Variants in CEP89 observed in about 807,000 individuals in gnomAD.
The protein encoded by CEP89 is centrosomal protein 89.
CEP89 carries 95 observed loss-of-function variants against 97.6 expected under a neutral mutation model. The ratio of observed to expected loss-of-function variants is 0.97; its 90% CI spans 0.82 to 1.15. The LOEUF is 1.15. Ranked by LOEUF, CEP89 falls within the 50% of genes most tolerant of loss-of-function variation. CEP89 has a pLI of 0.00. For missense variants in CEP89, 869 were observed against 947.7 expected (o/e 0.92, Z 1.09); for synonymous variants, 354 against 349.1 (o/e 1.01, Z -0.16).
intron 12 of CEP89, among the ~76,000 whole-genome samples, chr19:32,921,389 T>C (rs1970246651): frequency 6.6e-6 from 1 of 151,928 alleles, no homozygotes; most frequent in African/African-American, 2.4e-5. Context: ...CTCCTGCAGC[T>C]GGAGGGCAGT....
intron 12 of CEP89, among the ~76,000 whole-genome samples, chr19:32,920,497 T>G (rs1668385638): frequency 6.6e-6 from 1 of 152,186 alleles, no homozygotes; most frequent in African/African-American, 2.4e-5. Flanking sequence ...TTTATTTTAT[T>G]ATTTGAGACA....
chr19:32,886,417 TG>T (rs2145870822), intron 17 of CEP89, among the ~76,000 whole-genome samples: 1 of 152,266 alleles, frequency 6.6e-6, no homozygotes, highest in Non-Finnish European at 1.5e-5. Flanking sequence ...GAATTCAGCC[TG>T]GTTTGGAGGG....
At chr19:32,971,715 C>A in intron 1 of CEP89, 121 bp downstream of exon 1, 1 of 993,642 alleles carries the variant, frequency 1.0e-6, no homozygotes, top group South Asian at 1.4e-5. Flanking sequence ...AACTGAAAAC[C>A]ACTTTCTCTT....
chr19:32,890,270 T>C (rs756790331), intron 16 of CEP89, among the ~76,000 whole-genome samples: 1 of 152,046 alleles, frequency 6.6e-6, no homozygotes, highest in Admixed American at 6.5e-5. Context: ...TGTGGTGGCA[T>C]GCGCCTATAG....
At chr19:32,950,769 G>A (rs1481283673) in intron 4 of CEP89, among the ~76,000 whole-genome samples, 2 of 152,126 alleles carry the variant, frequency 1.3e-5, no homozygotes, top group Non-Finnish European at 1.5e-5. Flanking sequence ...GTCCCAAACT[G>A]GAACCAATTA....
At chr19:32,917,536 T>G (rs1352206582) in intron 13 of CEP89, among the ~76,000 whole-genome samples, 1 of 152,210 alleles carries the variant, frequency 6.6e-6, no homozygotes, top group Non-Finnish European at 1.5e-5. Flanking sequence ...AGATGGCTTG[T>G]GTTTCAGCTT....
chr19:32,927,645 C>T (rs895966453), intron 9 of CEP89, among the ~76,000 whole-genome samples: 77 of 152,048 alleles, frequency 5.1e-4, no homozygotes, highest in Non-Finnish European at 3.2e-4. Flanking sequence ...CATTCCATCA[C>T]CCGGGCTGGA....
chr19:32,933,800 G>T, intron 7 of CEP89, 131 bp from the exon 8 acceptor site: 1 of 664,620 alleles, frequency 1.5e-6, no homozygotes. Flanking sequence ...GAAGGGAATG[G>T]CTTCTACAGG....
intron 12 of CEP89, among the ~76,000 whole-genome samples, chr19:32,918,884 C>CTTTT (rs11339528): frequency 8.5e-6 from 1 of 117,648 alleles, no homozygotes; most frequent in Non-Finnish European, 1.7e-5. Flanking sequence ...TTTTCTTTTT[C>CTTTT]TTTTTTTTTT....
Position 32,939,878 on chromosome 19 carries a change from T to G in CEP89, c.603A>C (p.Lys201Asn). Residue 201 changes from lysine to asparagine, a missense_variant, in exon 6 of 19, where the codon AAA becomes AAC. Lys to Asn is a moderately conservative substitution (Grantham distance 94, BLOSUM62 0). Coordinates refer to ENST00000305768, the MANE Select transcript of CEP89 (RefSeq NM_032816.5). ...TTACCTTTAAATTCAGAACAGGGTG[T>G]TTACCATCTGATGAAGAAAAAGAGA... Reference protein sequence around the residue: ...APQRTQQKDGKHPVLNLKDEK... With the variant: ...APQRTQQKDGNHPVLNLKDEK... The G allele has an allele frequency of 7.8e-7, 1 of 1,277,174 alleles. No individual in the cohort carries two copies. Among genetic ancestry groups the G allele is most frequent in the African/African-American group, 1.5e-5 (1 of 67,608 alleles). 79.1% of individuals were successfully genotyped at this position (1,277,174 alleles called of 1,614,324 possible). A position where few individuals can be genotyped will look rare whatever the true frequency, so the allele number is the denominator to read the frequency against.
intron 1 of CEP89, among the ~76,000 whole-genome samples, chr19:32,967,506 G>GAAAAAAA (rs79937657): frequency 7.9e-6 from 1 of 126,054 alleles, no homozygotes; most frequent in African/African-American, 3.0e-5. Context: ...CACTAAAAAT[G>GAAAAAAA]AAAAAAAAAA....
rs1971125591 is a variant in CEP89 at position 32,959,781 on chromosome 19, G to GCACCCACA, written c.305+111_305+118dup. On this transcript the variant is annotated intron_variant, in intron 3 of 18. Transcript: ENST00000305768. Reference sequence around the variant, plus strand: ...CATAAATACATGCATGAGCACCCACGCACCCACACAGGTACACATGCACAC... The same window carrying GCACCCACA: ...CATAAATACATGCATGAGCACCCACGCACCCACACACCCACACAGGTACACATGCACAC... 1.4e-5 allele frequency: 15 copies of GCACCCACA among 1,060,092 alleles called. No individual in the cohort carries two copies. The Admixed American group carries it at 3.8e-4, about 27-fold the overall frequency. 65.7% of individuals were successfully genotyped at this position (1,060,092 alleles called of 1,614,324 possible).
rs772026609 is a variant in CEP89, at chr19:32,931,488, G to T, written c.970C>A (p.Arg324Ser). ...ENDGLKMTVH[R>S]LNVELSRYQT... Reference sequence around the variant, plus strand: ...TATCGACTGAGTTCTACATTCAAACGATGGACAGTCATTTTCAATCCATCA... The same window carrying T: ...TATCGACTGAGTTCTACATTCAAACTATGGACAGTCATTTTCAATCCATCA... Residue 324 changes from arginine (R) to serine (S), a missense_variant, in exon 9 of 19, where the codon CGT (arginine) becomes AGT (serine). Coordinates refer to ENST00000305768, the MANE Select transcript of CEP89 (RefSeq NM_032816.5). The T allele has an allele frequency of 1.3e-6, 2 of 1,594,572 alleles. No homozygotes were observed. The highest frequency in any genetic ancestry group is 1.2e-5 in the South Asian group (1 of 85,832).
Position 32,885,174 on chromosome 19 carries a change from C to T in CEP89, c.1965+2578G>A, listed in dbSNP as rs191226335. ...CCTTCCCCCTTTGCCCATCAGTTTC[C>T]TTGGTTGTATTATTACTACATTGTC... On this transcript the variant is annotated intron_variant, in intron 17 of 18. Coordinates refer to ENST00000305768, the MANE Select transcript of CEP89 (RefSeq NM_032816.5). Among the ~76,000 whole-genome samples the T allele has an allele frequency of 2.6e-5, 4 of 152,290 alleles. No homozygotes were observed. In the East Asian group the frequency reaches 7.7e-4, roughly 29 times the overall value.
intron 3 of CEP89, among the ~76,000 whole-genome samples, chr19:32,957,836 A>T (rs1369805107): frequency 6.6e-6 from 1 of 152,068 alleles, no homozygotes; most frequent in Non-Finnish European, 1.5e-5. Flanking sequence ...ATATAAAAAC[A>T]AATAAATAAA....
At chr19:32,929,462 C>T (rs768464237) in intron 9 of CEP89, among the ~76,000 whole-genome samples, 51 of 152,082 alleles carry the variant, frequency 3.4e-4, no homozygotes, top group African/African-American at 9.9e-4. Context: ...ATTAGCTGGG[C>T]GCAGTGGAAC....
In CEP89 at chr19:32,915,518, C is replaced by T; in HGVS notation, c.1385-1G>A. ...ATTAGTTGTTTAGTCAGCTTAGAAACTGAAAATCAAAAGAGGAAGATAAAA... is the reference window on the plus strand; with the variant it reads ...ATTAGTTGTTTAGTCAGCTTAGAAATTGAAAATCAAAAGAGGAAGATAAAA... On this transcript the variant is annotated splice_acceptor_variant, in intron 13 of 18. Transcript: ENST00000305768. LOFTEE classifies it high-confidence loss of function. 1 of 1,604,470 alleles carries T rather than the reference C, an allele frequency of 6.2e-7. No individual in the cohort carries two copies. The highest frequency in any genetic ancestry group is 8.5e-7 in the Non-Finnish European group (1 of 1,177,858).
intron 2 of CEP89, among the ~76,000 whole-genome samples, chr19:32,962,552 G>C (rs929391366): frequency 6.6e-6 from 1 of 152,138 alleles, no homozygotes; most frequent in Non-Finnish European, 1.5e-5. Context: ...TGTGACCTTA[G>C]GTTAGGTAAA....
intron 14 of CEP89, among the ~76,000 whole-genome samples, chr19:32,903,775 C>G (rs1277108452): frequency 6.6e-6 from 1 of 152,088 alleles, no homozygotes; most frequent in Non-Finnish European, 1.5e-5. Flanking sequence ...CAGAAGAGAC[C>G]GTTCAAGAAA....
Sources: gnomAD v4.1 joint callset for allele counts (sites outside exome capture counted in the v4.1 genomes callset) on GRCh38, gnomAD v4.1.1 for gene constraint, MANE v1.5 for transcripts, NCBI Gene and HGNC (gene_info 2026-07-23, HGNC 2026-07-21) for gene names.